ARK2C: variants seen among roughly 807,000 people sequenced by gnomAD.
ARK2C encodes arkadia (RNF111) C-terminal like ring finger ubiquitin ligase 2C.
the ARK2C span, chr18:46,433,411 G>T: frequency 6.2e-7 from 1 of 1,613,452 alleles, no homozygotes; most frequent in Non-Finnish European, 8.5e-7. Flanking sequence ...GGACGTCACA[G>T]GTCCCTCCTT....
chr18:46,394,669 G>T, the ARK2C span, among the ~76,000 whole-genome samples: 1 of 152,320 alleles, frequency 6.6e-6, no homozygotes, highest in East Asian at 1.9e-4. Context: ...ACCCTGGCGA[G>T]GTTACTTCTA....
At chr18:46,334,389 C>T in the ARK2C span, 1 of 1,514,340 alleles carries the variant, frequency 6.6e-7, no homozygotes, top group Non-Finnish European at 8.9e-7. The surrounding 1 kb of genome is among the most constrained non-coding windows in gnomAD (Gnocchi z 4.4). Flanking sequence ...CCGCAGGCAC[C>T]GGGGCGGGGG....
the ARK2C span, among the ~76,000 whole-genome samples, chr18:46,360,039 C>A: frequency 1.3e-5 from 2 of 152,128 alleles, no homozygotes; most frequent in African/African-American, 4.8e-5. Context: ...AGGTCTCTAC[C>A]ATAGTCATCA....
the ARK2C span, among the ~76,000 whole-genome samples, chr18:46,451,694 ACTAGGGAGG>A: frequency 6.6e-6 from 1 of 152,188 alleles, no homozygotes; most frequent in Non-Finnish European, 1.5e-5. Flanking sequence ...AGTCCTAGTT[ACTAGGGAGG>A]CTGAGGCAAG....
At chr18:46,453,399 C>T in the ARK2C span, among the ~76,000 whole-genome samples, 1 of 152,142 alleles carries the variant, frequency 6.6e-6, no homozygotes, top group Admixed American at 6.5e-5. Context: ...GCACGCCTCA[C>T]CTGCTGTCAC....
At chr18:46,334,546 C>A in the ARK2C span, 4 of 490,160 alleles carry the variant, frequency 8.2e-6, no homozygotes, top group Non-Finnish European at 1.4e-5. This position sits in a 1 kb window ranked among gnomAD's most constrained non-coding sequence, Gnocchi z 4.4. Context: ...TAGGGTTTGG[C>A]GAATTTGGGT....
At chr18:46,337,003 A>G in the ARK2C span, 1 of 985,418 alleles carries the variant, frequency 1.0e-6, no homozygotes, top group Non-Finnish European at 1.2e-6. Flanking sequence ...GTTTAATTGT[A>G]CAATGTCAAG....
the ARK2C span, among the ~76,000 whole-genome samples, chr18:46,353,316 T>C: frequency 6.6e-6 from 1 of 152,212 alleles, no homozygotes; most frequent in African/African-American, 2.4e-5. Context: ...GAGACGGGGA[T>C]GTCATCGTGA....
chr18:46,363,197 C>T, the ARK2C span, among the ~76,000 whole-genome samples: 2 of 152,172 alleles, frequency 1.3e-5, no homozygotes, highest in South Asian at 4.1e-4. Context: ...ATGAATGTGG[C>T]TTTACTGTGT....
chr18:46,449,657 AG>A, the ARK2C span, among the ~76,000 whole-genome samples: 54 of 152,326 alleles, frequency 3.5e-4, no homozygotes, highest in South Asian at 0.011. Flanking sequence ...AGCTCTCATA[AG>A]ATCTGATGGT....
chr18:46,450,885 G>A, the ARK2C span: 5 of 940,576 alleles, frequency 5.3e-6, 1 homozygote, highest in Non-Finnish European at 3.4e-6. Context: ...TGTTCACAGA[G>A]GGGTGCAGTC....
the ARK2C span, among the ~76,000 whole-genome samples, chr18:46,364,062 G>A: frequency 2.7e-5 from 4 of 149,556 alleles, no homozygotes; most frequent in Non-Finnish European, 5.9e-5. Context: ...GTTCTCATGC[G>A]TCAGCCTCCT....
the ARK2C span, chr18:46,386,542 C>T: frequency 1.5e-5 from 2 of 134,938 alleles, no homozygotes; most frequent in Non-Finnish European, 3.1e-5. Context: ...TCTTGACCCC[C>T]CATCAATCCA....
At chr18:46,406,238 C>G in the ARK2C span, among the ~76,000 whole-genome samples, 2 of 152,208 alleles carry the variant, frequency 1.3e-5, no homozygotes, top group African/African-American at 2.4e-5. Flanking sequence ...TGCATTGAAC[C>G]CCCCTCTCAA....
chr18:46,349,973 G>T, the ARK2C span, among the ~76,000 whole-genome samples: 1 of 152,102 alleles, frequency 6.6e-6, no homozygotes, highest in Non-Finnish European at 1.5e-5. Context: ...TTACACGTAC[G>T]TATCTGTATT....
the ARK2C span, among the ~76,000 whole-genome samples, chr18:46,357,686 G>T: frequency 6.6e-6 from 1 of 152,206 alleles, no homozygotes; most frequent in African/African-American, 2.4e-5. Context: ...AGATGCCTGG[G>T]AGTCACCCTC....
chr18:46,448,937 A>G, the ARK2C span, among the ~76,000 whole-genome samples: 3 of 152,094 alleles, frequency 2.0e-5, no homozygotes, highest in African/African-American at 7.2e-5. Flanking sequence ...CCTTATTTGT[A>G]TAATAAGGAG....
the ARK2C span, among the ~76,000 whole-genome samples, chr18:46,407,372 C>A: frequency 6.6e-6 from 1 of 152,170 alleles, no homozygotes; most frequent in Non-Finnish European, 1.5e-5. Flanking sequence ...GGGATTGGCC[C>A]TTTCTTGCTT....
At chr18:46,357,658 G>A in the ARK2C span, among the ~76,000 whole-genome samples, 7 of 152,210 alleles carry the variant, frequency 4.6e-5, no homozygotes, top group African/African-American at 1.7e-4. Context: ...GGGGCACAGA[G>A]GACAGCAAGA....
Sources: gnomAD v4.1 joint callset for allele counts (sites outside exome capture counted in the v4.1 genomes callset) on GRCh38, gnomAD v4.1.1 for gene constraint, Gnocchi (gnomAD v3.1) non-coding constraint, MANE v1.5 for transcripts, NCBI Gene and HGNC (gene_info 2026-07-23, HGNC 2026-07-21) for gene names.